The following TNRC6A variants were observed in gnomAD, a reference collection of about 807,000 sequenced individuals.
TNRC6A encodes the protein trinucleotide repeat-containing gene 6A protein.
Under a neutral mutation model 221.2 loss-of-function variants are expected in TNRC6A, and 44 were observed. That is an observed-to-expected ratio of 0.20 (90% CI 0.16 to 0.26). TNRC6A has a LOEUF of 0.26. TNRC6A is among the 10% of genes least tolerant of loss of function. The pLI, the probability that TNRC6A is intolerant of heterozygous loss-of-function variation, is 1.00. For synonymous variants in TNRC6A, 847 were observed against 838.5 expected (o/e 1.01, Z -0.18); for missense variants, 2,199 against 2,404.4 (o/e 0.91, Z 1.79).
chr16:24,653,806 C>T (rs935869594), intron 2 of TNRC6A, among the ~76,000 whole-genome samples: 19 of 151,348 alleles, frequency 1.3e-4, no homozygotes, highest in African/African-American at 4.6e-4. Flanking sequence ...GCCTAGTTAA[C>T]GTGATAGGCA....
chr16:24,778,072 G>T (rs771102854), intron 5 of TNRC6A, among the ~76,000 whole-genome samples: 2 of 152,076 alleles, frequency 1.3e-5, no homozygotes, highest in South Asian at 4.2e-4. Flanking sequence ...GGGTTGAGGG[G>T]GAATGAAGGT....
chr16:24,745,082 A>G (rs568689843), intron 2 of TNRC6A, among the ~76,000 whole-genome samples: 1 of 152,330 alleles, frequency 6.6e-6, no homozygotes, highest in Non-Finnish European at 1.5e-5. Context: ...TATTGTAAAT[A>G]GCATGTTCCC....
intron 2 of TNRC6A, among the ~76,000 whole-genome samples, chr16:24,698,959 T>C (rs984463579): frequency 6.6e-6 from 1 of 152,192 alleles, no homozygotes; most frequent in Non-Finnish European, 1.5e-5. Flanking sequence ...TCTGCCCACC[T>C]TGGCCTCCTA....
At chr16:24,782,144 C>T (rs1342235901) in intron 5 of TNRC6A, among the ~76,000 whole-genome samples, 1 of 152,054 alleles carries the variant, frequency 6.6e-6, no homozygotes, top group East Asian at 1.9e-4. Flanking sequence ...TAAATGCCTC[C>T]CACTTTTCCC....
chr16:24,717,699 G>A (rs2056337818), intron 2 of TNRC6A, among the ~76,000 whole-genome samples: 1 of 151,504 alleles, frequency 6.6e-6, no homozygotes, highest in African/African-American at 2.4e-5. Context: ...TAAGAAACTG[G>A]AGAACAACGA....
At chr16:24,634,123 T>TAAATA (rs1370327372) in intron 1 of TNRC6A, among the ~76,000 whole-genome samples, 2 of 152,092 alleles carry the variant, frequency 1.3e-5, no homozygotes, top group Non-Finnish European at 2.9e-5. Flanking sequence ...AGTGCCTAAA[T>TAAATA]AGTGTGATCA....
chr16:24,709,389 A>G (rs2056160659), intron 2 of TNRC6A, among the ~76,000 whole-genome samples: 1 of 152,210 alleles, frequency 6.6e-6, no homozygotes, highest in African/African-American at 2.4e-5. Flanking sequence ...GAATCTCCAT[A>G]CTGTTTTCCA....
At chr16:24,665,432 G>A (rs2055138360) in intron 2 of TNRC6A, among the ~76,000 whole-genome samples, 1 of 152,114 alleles carries the variant, frequency 6.6e-6, no homozygotes, top group African/African-American at 2.4e-5. Flanking sequence ...GAGAATCAGG[G>A]CAGAGCATTA....
intron 2 of TNRC6A, among the ~76,000 whole-genome samples, chr16:24,741,047 A>T (rs1383164711): frequency 6.6e-6 from 1 of 152,124 alleles, no homozygotes; most frequent in Non-Finnish European, 1.5e-5. Flanking sequence ...GTCTTTATGT[A>T]TCTGGATTCA....
At position 24,789,167 on chromosome 16, in the gene TNRC6A, G is replaced by C. The variant is rs1596718968; in HGVS notation, c.590-65G>C. 18 of 1,449,640 alleles carry C rather than the reference G, an allele frequency of 1.2e-5. 1 individual carries two copies. The East Asian group carries it at 3.2e-4, about 26-fold the overall frequency. 89.8% of individuals were successfully genotyped at this position (1,449,640 alleles called of 1,614,324 possible). ...TATAACATATTCGTCATTTTTCTTAGATTTTAGTATCATTTTGAAATGGCC... is the reference window on the plus strand; with the variant it reads ...TATAACATATTCGTCATTTTTCTTACATTTTAGTATCATTTTGAAATGGCC... On this transcript the variant is annotated intron_variant, in intron 5 of 24. Coordinates refer to ENST00000395799, the MANE Select transcript of TNRC6A (RefSeq NM_014494.4).
chr16:24,764,129 G>C (rs1283717343), intron 4 of TNRC6A, among the ~76,000 whole-genome samples: 1 of 148,738 alleles, frequency 6.7e-6, no homozygotes, highest in Non-Finnish European at 1.5e-5. Context: ...TCTGTTCTCT[G>C]TTTCTATGTA....
chr16:24,818,772 C>A, intron 21 of TNRC6A, 72 bp downstream of exon 21: 1 of 1,130,282 alleles, frequency 8.8e-7, no homozygotes, highest in East Asian at 2.4e-5. Context: ...TTAATGCCCT[C>A]TTCTTTCGTC....
intron 11 of TNRC6A, among the ~76,000 whole-genome samples, chr16:24,801,412 A>C (rs1481516687): frequency 1.3e-5 from 2 of 152,256 alleles, no homozygotes; most frequent in Admixed American, 6.5e-5. Context: ...GTCATTGGTA[A>C]CTAATGGACC....
chr16:24,775,166 A>G (rs1164250523), intron 4 of TNRC6A, among the ~76,000 whole-genome samples: 1 of 152,150 alleles, frequency 6.6e-6, no homozygotes, highest in African/African-American at 2.4e-5. Context: ...TACACGAAGG[A>G]ATATACGTTA....
Position 24,794,626 on chromosome 16 carries a change from G to T in TNRC6A, c.3435G>T (p.Glu1145Asp). ...GCCCCACTGGCTGGGAAGAGGAAGAGGATGTGGAGATTGGAATGTGGAATA... is the reference window on the plus strand; with the variant it reads ...GCCCCACTGGCTGGGAAGAGGAAGATGATGTGGAGATTGGAATGTGGAATA... ...GNRPTGWEEEEDVEIGMWNSN... is the reference protein window; with the variant it reads ...GNRPTGWEEEDDVEIGMWNSN... Residue 1145 changes from glutamate to aspartate, a missense_variant, in exon 8 of 25, where the codon GAG (glutamate) becomes GAT (aspartate). Glu to Asp is a conservative substitution (Grantham distance 45). Coordinates refer to ENST00000395799, the MANE Select transcript of TNRC6A (RefSeq NM_014494.4). The T allele has an allele frequency of 6.2e-7, 1 of 1,614,068 alleles. No individual in the cohort carries two copies. The highest frequency in any genetic ancestry group is 8.5e-7 in the Non-Finnish European group (1 of 1,179,946).
In TNRC6A at chr16:24,823,547, T is replaced by G. The variant is rs1596850096; in HGVS notation, c.5629T>G (p.Ser1877Ala). ...TTCTCCCGGCTGGCAGTCTCTCGGG[T>G]CCAGCCAGAGCCGGCTGGGCTCCCT... is the stretch of plus-strand genomic sequence containing the variant. ...TPSPGWQSLGSSQSRLGSLDC... is the reference protein window; with the variant it reads ...TPSPGWQSLGASQSRLGSLDC... The change falls in exon 25 of 25, where the codon TCC (serine) becomes GCC (alanine). Residue 1877 changes from serine (S) to alanine (A), a missense_variant. Coordinates refer to ENST00000395799, the MANE Select transcript of TNRC6A (RefSeq NM_014494.4). The surrounding 1 kb of genome is among the most constrained non-coding windows in gnomAD (Gnocchi z 4.3). 1 of 1,614,110 alleles carries G rather than the reference T, an allele frequency of 6.2e-7. No individual in the cohort carries two copies.
chr16:24,674,746 C>G (rs886848752), intron 2 of TNRC6A, among the ~76,000 whole-genome samples: 1 of 150,528 alleles, frequency 6.6e-6, no homozygotes, highest in African/African-American at 2.4e-5. Context: ...ACATCTTTGT[C>G]TAAGTCTGAA....
intron 4 of TNRC6A, among the ~76,000 whole-genome samples, chr16:24,770,716 TC>T (rs1427153906): frequency 6.6e-6 from 1 of 152,226 alleles, no homozygotes; most frequent in Non-Finnish European, 1.5e-5. Flanking sequence ...TGTCATTTCT[TC>T]CTCTACAACT....
chr16:24,654,443 G>A (rs576579600), intron 2 of TNRC6A, among the ~76,000 whole-genome samples: 3 of 152,116 alleles, frequency 2.0e-5, no homozygotes, highest in Admixed American at 6.6e-5. Flanking sequence ...GGTGACTCAC[G>A]CCTGTAATCC....
Sources: allele counts gnomAD v4.1 joint callset (sites outside exome capture counted in the v4.1 genomes callset), GRCh38; gene constraint gnomAD v4.1.1; non-coding constraint Gnocchi (gnomAD v3.1); transcripts MANE v1.5; gene names NCBI Gene and HGNC (gene_info 2026-07-23, HGNC 2026-07-21).